The following CORIN variants were observed in gnomAD, a reference collection of about 807,000 sequenced individuals.
CORIN encodes the protein atrial natriuretic peptide-converting enzyme.
A neutral mutation model predicts 125.3 loss-of-function variants in CORIN; 117 were observed. That is an observed-to-expected ratio of 0.93 (90% CI 0.80 to 1.09). CORIN has a LOEUF of 1.09. CORIN is among the 50% of genes least tolerant of loss of function. The probability of loss-of-function intolerance (pLI) is 0.00; values close to 1 mark genes in which losing one functional copy is unlikely to be tolerated. For missense variants in CORIN, 1,253 were observed against 1,306.7 expected, an observed-to-expected ratio of 0.96 and a Z score of 0.63; for synonymous variants, 450 against 466.4, an observed-to-expected ratio of 0.96 and a Z score of 0.45.
chr4:47,775,488 G>A (rs577429903), intron 3 of CORIN, among the ~76,000 whole-genome samples: 10 of 152,206 alleles, frequency 6.6e-5, no homozygotes, highest in South Asian at 4.1e-4. Flanking sequence ...CTGTCCTTGC[G>A]ATAGTTTGCT....
intron 14 of CORIN, among the ~76,000 whole-genome samples, chr4:47,643,861 G>A (rs180781272): frequency 6.6e-6 from 1 of 152,270 alleles, no homozygotes; most frequent in Admixed American, 6.5e-5. Flanking sequence ...TTTAAGCTGG[G>A]CATGGCATTT....
At chr4:47,685,592 C>T (rs1725475330) in intron 6 of CORIN, among the ~76,000 whole-genome samples, 6 of 151,954 alleles carry the variant, frequency 3.9e-5, no homozygotes, top group Admixed American at 3.3e-4. Flanking sequence ...TGCGGTTAGT[C>T]GCATAACTCT....
intron 14 of CORIN, among the ~76,000 whole-genome samples, chr4:47,643,962 C>T (rs893980815): frequency 2.6e-5 from 4 of 152,176 alleles, no homozygotes; most frequent in African/African-American, 7.2e-5. Context: ...CCTTGACCTA[C>T]GGTTGTGTGA....
chr4:47,649,128 G>T (rs1723620160), intron 13 of CORIN, among the ~76,000 whole-genome samples: 1 of 152,200 alleles, frequency 6.6e-6, no homozygotes, highest in African/African-American at 2.4e-5. Flanking sequence ...CAATTCCTGA[G>T]TCACTTCCCA....
chr4:47,654,485 G>A (rs1723874873), intron 12 of CORIN, among the ~76,000 whole-genome samples: 1 of 152,078 alleles, frequency 6.6e-6, no homozygotes, highest in Non-Finnish European at 1.5e-5. Flanking sequence ...CCCAGCAAGA[G>A]CTGCATAGCA....
intron 5 of CORIN, among the ~76,000 whole-genome samples, chr4:47,700,410 A>C (rs1726231732): frequency 6.6e-6 from 1 of 152,218 alleles, no homozygotes. Flanking sequence ...TCAGGGTACA[A>C]GAAAAGCCAC....
At chr4:47,655,274 C>T (rs1054872577) in intron 12 of CORIN, among the ~76,000 whole-genome samples, 1 of 151,376 alleles carries the variant, frequency 6.6e-6, no homozygotes, top group African/African-American at 2.4e-5. Flanking sequence ...GGGAGAAACT[C>T]CTGCTTGAGA....
At chr4:47,627,114 CTGGGA>C (rs150629371) in intron 16 of CORIN, among the ~76,000 whole-genome samples, 5,248 of 152,062 alleles carry the variant, frequency 0.035, 132 homozygotes, top group Non-Finnish European at 0.051. Context: ...TCCCAAGTAG[CTGGGA>C]TCACAGGTAC....
intron 19 of CORIN, among the ~76,000 whole-genome samples, chr4:47,607,364 C>A (rs1018214357): frequency 2.0e-5 from 3 of 151,196 alleles, no homozygotes; most frequent in Non-Finnish European, 4.4e-5. Flanking sequence ...GCCCAGATCG[C>A]GCCACTGCAC....
At chr4:47,836,297 G>T (rs1018144988) in intron 1 of CORIN, among the ~76,000 whole-genome samples, 1 of 148,320 alleles carries the variant, frequency 6.7e-6, no homozygotes, top group African/African-American at 2.5e-5. Context: ...ACAAGCTAAT[G>T]AATGTTTTGA....
chr4:47,765,860 GT>G (rs1435878630), intron 3 of CORIN, among the ~76,000 whole-genome samples: 1 of 152,106 alleles, frequency 6.6e-6, no homozygotes, highest in Non-Finnish European at 1.5e-5. Context: ...TTTTAGGGGT[GT>G]TTTTTCTACT....
intron 1 of CORIN, among the ~76,000 whole-genome samples, chr4:47,817,767 T>A (rs544405028): frequency 1.9e-4 from 29 of 152,266 alleles, no homozygotes; most frequent in Middle Eastern, 6.8e-3. Flanking sequence ...GAAGGGGAGA[T>A]CTCAATCCTT....
intron 7 of CORIN, chr4:47,683,129 A>G (rs1369165221): frequency 6.6e-6 from 1 of 152,278 alleles, no homozygotes; most frequent in Non-Finnish European, 1.5e-5. Flanking sequence ...AAGCCAAAAA[A>G]GTAAATGAGC....
intron 4 of CORIN, among the ~76,000 whole-genome samples, chr4:47,754,450 C>T (rs1729046285): frequency 6.6e-6 from 1 of 151,940 alleles, no homozygotes; most frequent in Non-Finnish European, 1.5e-5. Context: ...CAGTGCTCAT[C>T]TTTTTTGTTT....
At position 47,806,628 on chromosome 4, in the gene CORIN, C is replaced by T. The variant is rs548776633; in HGVS notation, c.208+275G>A. Among the ~76,000 whole-genome samples, 188 of 152,238 alleles carry T rather than the reference C, an allele frequency of 1.2e-3. 1 individual carries two copies. Among genetic ancestry groups the T allele is most frequent in the Non-Finnish European group, 2.1e-3 (144 of 68,006 alleles). On this transcript the variant is annotated intron_variant, in intron 2 of 21. Transcript: ENST00000273857. ...AGCTCCTAAGAAAGGACTAATTTAACCATCCTGGAGTTCTCAGGAACTTTC... is the reference window on the plus strand; with the variant it reads ...AGCTCCTAAGAAAGGACTAATTTAATCATCCTGGAGTTCTCAGGAACTTTC...
intron 2 of CORIN, among the ~76,000 whole-genome samples, chr4:47,794,460 A>C (rs1211976381): frequency 1.1e-4 from 16 of 152,190 alleles, no homozygotes; most frequent in African/African-American, 2.4e-5. Flanking sequence ...AAAATTAAGA[A>C]GCCACACATA....
intron 16 of CORIN, chr4:47,632,447 CCT>C (rs1476952050): frequency 1.3e-5 from 2 of 152,058 alleles, no homozygotes; most frequent in African/African-American, 2.4e-5. Flanking sequence ...TCATATTCTC[CCT>C]GTTTGGGTCC....
intron 4 of CORIN, among the ~76,000 whole-genome samples, chr4:47,758,007 G>A (rs1000936054): frequency 7.3e-5 from 11 of 151,108 alleles, no homozygotes; most frequent in Admixed American, 4.0e-4. Flanking sequence ...TCCACCTCCC[G>A]GATTCATGCC....
At chr4:47,737,561 T>A (rs962001679) in intron 5 of CORIN, among the ~76,000 whole-genome samples, 50 of 152,142 alleles carry the variant, frequency 3.3e-4, no homozygotes, top group African/African-American at 1.1e-3. Flanking sequence ...ATTCCAGAAC[T>A]CCCCAAGGAT....
Sources: allele counts gnomAD v4.1 joint callset (sites outside exome capture counted in the v4.1 genomes callset), GRCh38; gene constraint gnomAD v4.1.1; transcripts MANE v1.5; gene names NCBI Gene and HGNC (gene_info 2026-07-23, HGNC 2026-07-21).